Variants in MYO1D observed in about 807,000 individuals in gnomAD.
The protein encoded by MYO1D is myosin ID, also known as unconventional myosin-Id.
In MYO1D, 83 loss-of-function variants were observed where a neutral mutation model predicts 122.0. The observed-to-expected ratio is 0.68, with a 90% CI of 0.57 to 0.82. The LOEUF (loss-of-function observed/expected upper bound fraction) is 0.82. Among genes scored for constraint, MYO1D ranks in the 40% least tolerant of loss-of-function variants. The pLI, the probability that MYO1D is intolerant of heterozygous loss-of-function variation, is 0.00. For missense variants in MYO1D, 1,157 were observed against 1,269.5 expected (o/e 0.91, Z 1.35); for synonymous variants, 464 against 446.9 (o/e 1.04, Z -0.48).
Position 32,680,575 on chromosome 17 carries a change from G to A in MYO1D, c.2122-21237C>T, listed in dbSNP as rs1231086457. Among the ~76,000 whole-genome samples, 81 of 128,428 alleles carry A rather than the reference G, an allele frequency of 6.3e-4. 1 individual carries two copies. Among genetic ancestry groups the A allele is most frequent in the African/African-American group, 1.8e-3 (60 of 33,644 alleles). The allele number at this position is 128,428 out of a possible 152,430, so 84.3% of individuals were successfully genotyped here. A position where few individuals can be genotyped will look rare whatever the true frequency, so the allele number is the denominator to read the frequency against. On this transcript the variant is annotated intron_variant, in intron 16 of 21. Transcript: ENST00000318217. ...TGCTGGATTACATTTATTGATTTGC[G>A]TATATTGAACCAGCCTTGCATCCCA...
rs527571551 is a variant in MYO1D at position 32,706,757 on chromosome 17, C to A, written c.2121+5231G>T. On this transcript the variant is annotated intron_variant, in intron 16 of 21. Transcript: ENST00000318217. ...TGTTGCCCAGGCTGGAGTGTAGTGG[C>A]GCGATCTCAGCTCACTGCAAGCTCC... Among the ~76,000 whole-genome samples, 308 of 152,102 alleles carry A rather than the reference C, an allele frequency of 2.0e-3. 3 individuals carry two copies. Among genetic ancestry groups the A allele is most frequent in the African/African-American group, 7.2e-3 (300 of 41,476 alleles).
intron 1 of MYO1D, among the ~76,000 whole-genome samples, chr17:32,831,664 C>T (rs920235657): frequency 6.6e-6 from 1 of 152,162 alleles, no homozygotes; most frequent in African/African-American, 2.4e-5. Flanking sequence ...AAAGTAATAA[C>T]CAGAATTGTG....
At chr17:32,632,515 C>T (rs892883128) in intron 20 of MYO1D, 5 of 149,952 alleles carry the variant, frequency 3.3e-5, no homozygotes, top group African/African-American at 1.2e-4. Context: ...CCATCTGACT[C>T]CTAAAGGCAT....
chr17:32,608,144 G>C (rs2087653314), intron 20 of MYO1D, among the ~76,000 whole-genome samples: 1 of 152,130 alleles, frequency 6.6e-6, no homozygotes, highest in African/African-American at 2.4e-5. Context: ...AATTGAACTT[G>C]ATCAAATTTA....
intron 1 of MYO1D, among the ~76,000 whole-genome samples, chr17:32,807,122 A>G (rs1478058627): frequency 6.6e-6 from 1 of 152,220 alleles, no homozygotes; most frequent in Non-Finnish European, 1.5e-5. Context: ...CACAAAGTCA[A>G]TTTAAACCAG....
chr17:32,500,700 C>T (rs912002908), intron 21 of MYO1D, among the ~76,000 whole-genome samples: 11 of 152,166 alleles, frequency 7.2e-5, no homozygotes, highest in African/African-American at 2.2e-4. Context: ...CAGCAGATAA[C>T]GAAGTCAGAA....
At chr17:32,604,722 C>A (rs545175807) in intron 21 of MYO1D, among the ~76,000 whole-genome samples, 5 of 152,272 alleles carry the variant, frequency 3.3e-5, no homozygotes, top group South Asian at 4.1e-4. Context: ...TGCTTATGGT[C>A]ATAGTGGACA....
rs565599050 is a variant in MYO1D, at chr17:32,760,725, G to T, written c.1036-98C>A. The T allele has an allele frequency of 1.2e-4, 155 of 1,273,100 alleles. No homozygotes were observed. The African/African-American group carries it at 2.2e-3, about 18-fold the overall frequency. The allele number at this position is 1,273,100 out of a possible 1,614,324, so 78.9% of individuals were successfully genotyped here. ...TTAAATTCCTGTCCACCTTCTCACT[G>T]TTTAGCATAGCCATTACTGGCCTCA... On this transcript the variant is annotated intron_variant, in intron 8 of 21. Coordinates refer to ENST00000318217, the MANE Select transcript of MYO1D (RefSeq NM_015194.3).
At chr17:32,518,198 T>C (rs188443533) in intron 21 of MYO1D, 6 of 200,330 alleles carry the variant, frequency 3.0e-5, no homozygotes, top group Admixed American at 2.3e-4. Flanking sequence ...CTCATTTCTT[T>C]CGTCAACAAA....
chr17:32,821,387 TAAAG>T (rs2090662341), intron 1 of MYO1D, among the ~76,000 whole-genome samples: 1 of 152,126 alleles, frequency 6.6e-6, no homozygotes, highest in Admixed American at 6.5e-5. Context: ...CAAACTAAAA[TAAAG>T]AAATGAATGA....
chr17:32,770,944 G>A (rs1218433663), intron 6 of MYO1D, among the ~76,000 whole-genome samples, 181 bp downstream of exon 6: 1 of 152,156 alleles, frequency 6.6e-6, no homozygotes, highest in Non-Finnish European at 1.5e-5. Flanking sequence ...TTGATTTTAA[G>A]CAAAGTTGTT....
chr17:32,843,775 A>G (rs141380624), intron 1 of MYO1D, among the ~76,000 whole-genome samples: 74 of 152,356 alleles, frequency 4.9e-4, no homozygotes, highest in African/African-American at 1.4e-3. Flanking sequence ...ATTAACATGA[A>G]GAAAATCTAT....
chr17:32,605,161 GCAGA>G lies in MYO1D; in HGVS notation c.2786_2789del (p.Val929AlafsTer21). ...CATGGGTTGGCTGTTTGCTGAAGAG[GCAGA>G]CAATGAGGTCTTTGTTGTCTTTCGT... On this transcript the variant is annotated frameshift_variant, in exon 21 of 22. Transcript: ENST00000318217. LOFTEE classifies it high-confidence loss of function. The G allele has an allele frequency of 6.2e-7, 1 of 1,610,010 alleles. No individual in the cohort carries two copies. The highest frequency in any genetic ancestry group is 8.5e-7 in the Non-Finnish European group (1 of 1,176,966).
intron 1 of MYO1D, 135 bp from the exon 2 acceptor site, chr17:32,780,919 T>C: frequency 2.4e-6 from 2 of 849,160 alleles, no homozygotes; most frequent in Non-Finnish European, 1.8e-6. Context: ...TCATTGGCTC[T>C]GAGTTAACTT....
intron 1 of MYO1D, among the ~76,000 whole-genome samples, chr17:32,839,337 C>T (rs1431869903): frequency 6.6e-6 from 1 of 152,112 alleles, no homozygotes. Flanking sequence ...AAACTTCAAC[C>T]TGAATTCAAA....
At chr17:32,499,318 G>C (rs1358712290) in intron 21 of MYO1D, 2 of 152,200 alleles carry the variant, frequency 1.3e-5, no homozygotes, top group African/African-American at 4.8e-5. Flanking sequence ...AGGCAACATA[G>C]TGAGACCCTG....
intron 1 of MYO1D, among the ~76,000 whole-genome samples, chr17:32,798,474 C>G (rs976539810): frequency 6.6e-6 from 1 of 152,086 alleles, no homozygotes; most frequent in Non-Finnish European, 1.5e-5. Flanking sequence ...ACTTCCCTTC[C>G]CCTGTCCACA....
intron 1 of MYO1D, among the ~76,000 whole-genome samples, chr17:32,860,505 C>T (rs1198334042): frequency 6.6e-6 from 1 of 152,206 alleles, no homozygotes; most frequent in Non-Finnish European, 1.5e-5. Context: ...ACACCTACAA[C>T]AATGTTATTT....
chr17:32,553,250 G>A (rs1333487155), intron 21 of MYO1D, among the ~76,000 whole-genome samples: 2 of 152,170 alleles, frequency 1.3e-5, no homozygotes, highest in Non-Finnish European at 2.9e-5. Flanking sequence ...TACTACACAA[G>A]GTGGCATGCT....
Sources: gnomAD v4.1 joint callset for allele counts (sites outside exome capture counted in the v4.1 genomes callset) on GRCh38, gnomAD v4.1.1 for gene constraint, MANE v1.5 for transcripts, NCBI Gene and HGNC (gene_info 2026-07-23, HGNC 2026-07-21) for gene names.